MEF2A: variants seen among roughly 807,000 people sequenced by gnomAD.
The protein encoded by MEF2A is myocyte enhancer factor 2A.
Under a neutral mutation model 55.8 loss-of-function variants are expected in MEF2A, and 28 were observed. The ratio of observed to expected loss-of-function variants is 0.50; its 90% CI spans 0.37 to 0.69. The LOEUF (loss-of-function observed/expected upper bound fraction) is 0.69, where lower values mean the gene tolerates loss of function less well. Ranked by LOEUF, MEF2A falls within the 30% of genes least tolerant of loss-of-function variation. MEF2A has a pLI of 0.00. For missense variants in MEF2A, 528 were observed against 626.2 expected (o/e 0.84, Z 1.67); for synonymous variants, 239 against 227.1 (o/e 1.05, Z -0.47).
chr15:99,579,985 G>T (rs1264243035), intron 1 of MEF2A, among the ~76,000 whole-genome samples: 2 of 152,044 alleles, frequency 1.3e-5, no homozygotes, highest in African/African-American at 4.8e-5. Context: ...TCTTTATGTG[G>T]CCCTTTAAAT....
chr15:99,584,132 A>G (rs1223654253), intron 1 of MEF2A, among the ~76,000 whole-genome samples: 1 of 152,194 alleles, frequency 6.6e-6, no homozygotes, highest in African/African-American at 2.4e-5. Flanking sequence ...AAGATAAAAA[A>G]TGGTAGACTT....
At chr15:99,633,260 CTT>C (rs2043215814) in intron 3 of MEF2A, 87 bp downstream of exon 3, 1 of 904,544 alleles carries the variant, frequency 1.1e-6, no homozygotes, top group Non-Finnish European at 1.6e-6. Flanking sequence ...TTTTCTTAAA[CTT>C]AATTTTAAGT....
chr15:99,658,219 G>A (rs557277585), intron 4 of MEF2A, among the ~76,000 whole-genome samples: 68 of 152,114 alleles, frequency 4.5e-4, no homozygotes, highest in Non-Finnish European at 8.7e-4. Context: ...TAGGAAACAG[G>A]AAGTTATATA....
At chr15:99,577,290 T>C (rs1050441355) in intron 1 of MEF2A, among the ~76,000 whole-genome samples, 1 of 152,248 alleles carries the variant, frequency 6.6e-6, no homozygotes, top group Non-Finnish European at 1.5e-5. Flanking sequence ...GCTTATATAT[T>C]TTGTTTTTAA....
chr15:99,686,968 A>G (rs1264295853), intron 7 of MEF2A, among the ~76,000 whole-genome samples: 1 of 149,780 alleles, frequency 6.7e-6, no homozygotes, highest in Non-Finnish European at 1.5e-5. Flanking sequence ...TCTGTCACCT[A>G]GGCTGGAATG....
chr15:99,572,014 T>G lies in MEF2A; in HGVS notation c.-225+5910T>G, dbSNP rs1434757698. On this transcript the variant is annotated intron_variant, in intron 1 of 11. Transcript: ENST00000557942. ...TCTTTTTCTTCTTGCTCCATAGAAG[T>G]TTTTTTTTTTTTTTTTTTCTTCACA... Among the ~76,000 whole-genome samples the G allele has an allele frequency of 2.2e-4, 4 of 18,192 alleles. No individual in the cohort carries two copies. In the Admixed American group the frequency reaches 3.1e-3, roughly 14 times the overall value. The allele number at this position is 18,192 out of a possible 152,430, so 11.9% of individuals were successfully genotyped here.
In MEF2A at chr15:99,598,174, G is replaced by T. The variant is rs138690503; in HGVS notation, c.-224-256G>T. Among the ~76,000 whole-genome samples the T allele has an allele frequency of 8.5e-5, 13 of 152,254 alleles. 1 individual carries two copies. The East Asian group carries it at 2.5e-3, about 29-fold the overall frequency. On this transcript the variant is annotated intron_variant, in intron 1 of 11. Coordinates refer to ENST00000557942, the MANE Select transcript of MEF2A (RefSeq NM_001319206.4). ...TAGGAAACCAATTTTTGAATCTCGC[G>T]ATGCAAAGAATATTACTGAACATTT... is the stretch of plus-strand genomic sequence containing the variant.
intron 8 of MEF2A, among the ~76,000 whole-genome samples, chr15:99,698,661 GC>G (rs1226386347): frequency 2.0e-5 from 3 of 151,780 alleles, no homozygotes; most frequent in Non-Finnish European, 4.4e-5. Context: ...GGGTGGTGGC[GC>G]ATGCCTGTAA....
At chr15:99,671,886 C>T (rs193225712) in intron 5 of MEF2A, among the ~76,000 whole-genome samples, 1 of 152,322 alleles carries the variant, frequency 6.6e-6, no homozygotes, top group African/African-American at 2.4e-5. Flanking sequence ...GACTTTGCTA[C>T]TTCTTACCCC....
intron 1 of MEF2A, among the ~76,000 whole-genome samples, chr15:99,587,519 A>G (rs773774322): frequency 6.6e-6 from 1 of 152,178 alleles, no homozygotes; most frequent in Non-Finnish European, 1.5e-5. Context: ...GAATCTATAG[A>G]TCATTTTAGG....
chr15:99,637,055 C>G (rs2044003117), intron 3 of MEF2A, among the ~76,000 whole-genome samples: 1 of 151,108 alleles, frequency 6.6e-6, no homozygotes, highest in Non-Finnish European at 1.5e-5. Context: ...TTTGTATATC[C>G]TTGCTTAATT....
intron 8 of MEF2A, 118 bp from the exon 9 acceptor site, chr15:99,703,244 C>A: frequency 1.1e-6 from 1 of 881,308 alleles, no homozygotes; most frequent in Non-Finnish European, 1.9e-6. Flanking sequence ...ATATAATCGT[C>A]TCTTTAGAGT....
chr15:99,704,029 G>C (rs325414), intron 9 of MEF2A, among the ~76,000 whole-genome samples: 1 of 152,158 alleles, frequency 6.6e-6, no homozygotes, highest in East Asian at 1.9e-4. Flanking sequence ...ACTAAAAGCA[G>C]CTTGCAGTTG....
intron 1 of MEF2A, among the ~76,000 whole-genome samples, chr15:99,567,377 C>T (rs1409082000): frequency 1.3e-5 from 2 of 152,208 alleles, no homozygotes; most frequent in East Asian, 3.8e-4. Flanking sequence ...TTCTCTAAAG[C>T]TGTAATTAGG....
intron 3 of MEF2A, among the ~76,000 whole-genome samples, chr15:99,636,667 A>G (rs1158205435): frequency 6.6e-6 from 1 of 152,230 alleles, no homozygotes; most frequent in Non-Finnish European, 1.5e-5. Flanking sequence ...TAAAAAATCA[A>G]TAATATTTTA....
chr15:99,568,561 G>A (rs1167136703), intron 1 of MEF2A, among the ~76,000 whole-genome samples: 1 of 152,156 alleles, frequency 6.6e-6, no homozygotes, highest in African/African-American at 2.4e-5. Context: ...TTATGGAAAT[G>A]TTTATTAGAA....
At chr15:99,647,836 TA>T (rs2046227642) in intron 4 of MEF2A, among the ~76,000 whole-genome samples, 1 of 152,226 alleles carries the variant, frequency 6.6e-6, no homozygotes, top group African/African-American at 2.4e-5. Flanking sequence ...TATTAGGGAT[TA>T]ATTTATTGTG....
intron 3 of MEF2A, among the ~76,000 whole-genome samples, chr15:99,645,097 C>T (rs909961201): frequency 2.6e-5 from 4 of 152,022 alleles, no homozygotes; most frequent in African/African-American, 4.8e-5. Flanking sequence ...ATTTGCTGAT[C>T]CCAGACTGTG....
At chr15:99,680,622 A>G (rs1244862128) in intron 7 of MEF2A, among the ~76,000 whole-genome samples, 2 of 152,252 alleles carry the variant, frequency 1.3e-5, no homozygotes, top group Non-Finnish European at 2.9e-5. Context: ...TATTTGTAGT[A>G]ATGAATAATA....
Sources: allele counts gnomAD v4.1 joint callset (sites outside exome capture counted in the v4.1 genomes callset), GRCh38; gene constraint gnomAD v4.1.1; transcripts MANE v1.5; gene names NCBI Gene and HGNC (gene_info 2026-07-23, HGNC 2026-07-21).